The following EPYC variants were observed in gnomAD, a reference collection of about 807,000 sequenced individuals.
The protein encoded by EPYC is epiphycan, also known as dermatan sulfate proteoglycan 3.
Under a neutral mutation model 30.1 loss-of-function variants are expected in EPYC, and 28 were observed. That is an observed-to-expected ratio of 0.93 (90% CI 0.69 to 1.28). The LOEUF (loss-of-function observed/expected upper bound fraction) is 1.28. Ranked by LOEUF, EPYC falls within the 50% of genes most tolerant of loss-of-function variation. EPYC has a pLI of 0.00. For missense variants in EPYC, 382 were observed against 383.5 expected (o/e 1.00, Z 0.03); for synonymous variants, 144 against 141.4 (o/e 1.02, Z -0.13).
At chr12:91,003,877 A>G (rs556518475) in intron 1 of EPYC, among the ~76,000 whole-genome samples, 1 of 152,250 alleles carries the variant, frequency 6.6e-6, no homozygotes, top group South Asian at 2.1e-4. Flanking sequence ...TTTATGAAGC[A>G]GGTTTAGGCA....
chr12:91,003,190 G>GT (rs1291594909), intron 1 of EPYC, among the ~76,000 whole-genome samples: 3 of 151,994 alleles, frequency 2.0e-5, no homozygotes, highest in Non-Finnish European at 4.4e-5. Context: ...AGTTTTGTTT[G>GT]TTTTTTCTGT....
chr12:90,970,128 A>G lies in EPYC; in HGVS notation c.714T>C (p.Asp238=). ...TATCAGTGAGGTACAGATGATGGAG[A>G]TCATACATGTCCTGTAAACATTCCA... is the stretch of plus-strand genomic sequence containing the variant. ...IKQEAFKDMY[D]LHHLYLTDNN... Residue 238 remains aspartate (D), a synonymous_variant, in exon 6 of 7, where the codon GAT becomes GAC. Coordinates refer to ENST00000261172, the MANE Select transcript of EPYC (RefSeq NM_004950.5). 1 of 1,612,286 alleles carries G rather than the reference A, an allele frequency of 6.2e-7. No homozygotes were observed. The highest frequency in any genetic ancestry group is 8.5e-7 in the Non-Finnish European group (1 of 1,178,358).
chr12:90,969,983 TG>T, intron 6 of EPYC, 60 bp downstream of exon 6: 1 of 1,164,294 alleles, frequency 8.6e-7, no homozygotes, highest in Non-Finnish European at 1.3e-6. Flanking sequence ...TGTGTCCTGA[TG>T]TCCTTTTTGG....
chr12:90,999,055 T>G (rs2120868925), intron 2 of EPYC, among the ~76,000 whole-genome samples: 1 of 152,256 alleles, frequency 6.6e-6, no homozygotes, highest in South Asian at 2.1e-4. Context: ...TGCTTCAAAT[T>G]TTGACTCTGA....
In EPYC at chr12:90,963,910, CAT is replaced by C. The variant is rs1249299980; in HGVS notation, c.*244_*245del. 11 of 310,600 alleles carry C rather than the reference CAT, an allele frequency of 3.5e-5. No homozygotes were observed. The highest frequency in any genetic ancestry group is 5.9e-5 in the Non-Finnish European group (10 of 168,754). The allele number at this position is 310,600 out of a possible 1,614,324, so 19.2% of individuals were successfully genotyped here. A position where few individuals can be genotyped will look rare whatever the true frequency, so the allele number is the denominator to read the frequency against. ...GCAAGTGATACATGATCTATAAGAA[CAT>C]GTGTGAAATATTTTCTATCACTTAG... On this transcript the variant is annotated 3_prime_UTR_variant, in exon 7 of 7. Coordinates refer to ENST00000261172, the MANE Select transcript of EPYC (RefSeq NM_004950.5).
chr12:90,970,881 AC>A (rs1055739760), intron 5 of EPYC, among the ~76,000 whole-genome samples: 4 of 152,224 alleles, frequency 2.6e-5, no homozygotes, highest in African/African-American at 9.6e-5. Context: ...TTTTACAATT[AC>A]ATGTTCAGTG....
chr12:91,000,392 A>C (rs1877795192), intron 2 of EPYC, among the ~76,000 whole-genome samples: 1 of 152,118 alleles, frequency 6.6e-6, no homozygotes, highest in Non-Finnish European at 1.5e-5. Context: ...AATATTGTAT[A>C]TTAAGTAATG....
At chr12:90,982,932 T>C (rs559690902) in intron 2 of EPYC, among the ~76,000 whole-genome samples, 3 of 152,306 alleles carry the variant, frequency 2.0e-5, no homozygotes, top group African/African-American at 7.2e-5. Flanking sequence ...CCTTTGTGAA[T>C]AGTGCTGCAA....
chr12:90,974,313 G>C (rs1877130967), intron 3 of EPYC, among the ~76,000 whole-genome samples: 1 of 152,064 alleles, frequency 6.6e-6, no homozygotes. Context: ...TATTGCAGTG[G>C]TTATCAGAGC....
intron 6 of EPYC, among the ~76,000 whole-genome samples, chr12:90,968,745 C>T (rs991543737): frequency 1.3e-5 from 2 of 151,928 alleles, no homozygotes; most frequent in African/African-American, 4.8e-5. Flanking sequence ...ATCAATATCA[C>T]CCCAGATAAT....
chr12:90,965,806 A>G (rs185710911), intron 6 of EPYC, among the ~76,000 whole-genome samples: 33 of 152,174 alleles, frequency 2.2e-4, no homozygotes, highest in Middle Eastern at 6.8e-3. Flanking sequence ...AATTTCAACA[A>G]TGTGTTGTAG....
chr12:90,966,916 G>T lies in EPYC; in HGVS notation c.799-2590C>A, dbSNP rs116897159. ...TAATCTAATTTGTTGGTTTACAGTT[G>T]TTATAGTAATCCTTATGATCCTTCT... On this transcript the variant is annotated intron_variant, in intron 6 of 6. Coordinates refer to ENST00000261172, the MANE Select transcript of EPYC (RefSeq NM_004950.5). 7.4e-3 allele frequency among the ~76,000 whole-genome samples: 1,118 copies of T among 152,096 alleles called. 46 individuals carry two copies. Among genetic ancestry groups the T allele is most frequent in the Admixed American group, 0.063 (963 of 15,282 alleles).
At chr12:90,969,171 G>T (rs1204536173) in intron 6 of EPYC, among the ~76,000 whole-genome samples, 1 of 151,806 alleles carries the variant, frequency 6.6e-6, no homozygotes, top group African/African-American at 2.4e-5. Context: ...TTCATGTCCA[G>T]CTCTTAAATA....
chr12:91,003,619 GT>G (rs1402156368), intron 1 of EPYC, among the ~76,000 whole-genome samples: 5 of 152,040 alleles, frequency 3.3e-5, no homozygotes, highest in African/African-American at 1.2e-4. Context: ...AAACATTTAA[GT>G]TAGTCTTACC....
chr12:90,996,413 T>C (rs1592631598), intron 2 of EPYC, among the ~76,000 whole-genome samples: 1 of 151,878 alleles, frequency 6.6e-6, no homozygotes, highest in Non-Finnish European at 1.5e-5. Context: ...GTTCAGGGGA[T>C]ACATGCACAG....
intron 2 of EPYC, among the ~76,000 whole-genome samples, chr12:90,982,847 C>G (rs1017280223): frequency 2.6e-5 from 4 of 152,080 alleles, no homozygotes; most frequent in Non-Finnish European, 4.4e-5. Flanking sequence ...GAATAGTATT[C>G]CATTGTGTGT....
chr12:90,967,333 T>C (rs1457300865), intron 6 of EPYC, among the ~76,000 whole-genome samples: 1 of 152,140 alleles, frequency 6.6e-6, no homozygotes, highest in African/African-American at 2.4e-5. Context: ...TTTTTTAACT[T>C]TCTTGAGATT....
At chr12:90,976,545 C>G (rs1336225980) in intron 3 of EPYC, among the ~76,000 whole-genome samples, 1 of 152,094 alleles carries the variant, frequency 6.6e-6, no homozygotes, top group Admixed American at 6.6e-5. Flanking sequence ...TGTTTTGGTT[C>G]CTCTGTCTGT....
At chr12:90,980,905 A>G (rs760786963) in intron 2 of EPYC, among the ~76,000 whole-genome samples, 2 of 152,186 alleles carry the variant, frequency 1.3e-5, no homozygotes, top group Non-Finnish European at 2.9e-5. Context: ...ACAAATGGTC[A>G]TTACTACGTA....
Sources: allele counts gnomAD v4.1 joint callset (sites outside exome capture counted in the v4.1 genomes callset), GRCh38; gene constraint gnomAD v4.1.1; transcripts MANE v1.5; gene names NCBI Gene and HGNC (gene_info 2026-07-23, HGNC 2026-07-21).